Variants in SYT1 observed in about 807,000 individuals in gnomAD.
The protein encoded by SYT1 is synaptotagmin 1.
SYT1 carries 8 observed loss-of-function variants against 44.8 expected under a neutral mutation model. That is an observed-to-expected ratio of 0.18 (90% CI 0.10 to 0.32). The LOEUF (loss-of-function observed/expected upper bound fraction) is 0.32, where lower values mean the gene tolerates loss of function less well. Ranked by LOEUF, SYT1 falls within the 10% of genes least tolerant of loss-of-function variation. The pLI is 1.00. For missense variants in SYT1, 286 were observed against 509.3 expected (o/e 0.56, Z 4.22); for synonymous variants, 154 against 188.8 (o/e 0.82, Z 1.51).
intron 1 of SYT1, among the ~76,000 whole-genome samples, chr12:78,931,891 G>C (rs1279892749): frequency 6.6e-6 from 1 of 152,176 alleles, no homozygotes; most frequent in East Asian, 1.9e-4. Flanking sequence ...AGCAGAGTCT[G>C]TTCTCTGCAC....
chr12:79,205,721 A>G (rs771971240), intron 3 of SYT1, among the ~76,000 whole-genome samples: 1 of 152,180 alleles, frequency 6.6e-6, no homozygotes, highest in Non-Finnish European at 1.5e-5. Context: ...TCTCAATAAT[A>G]TAGGTCCAAA....
chr12:79,347,953 C>A (rs909563079), intron 8 of SYT1, among the ~76,000 whole-genome samples: 1 of 151,944 alleles, frequency 6.6e-6, no homozygotes, highest in African/African-American at 2.4e-5. Context: ...ACTAATGAAA[C>A]AATTCATACC....
intron 2 of SYT1, among the ~76,000 whole-genome samples, chr12:79,029,358 TAA>T (rs199597216): frequency 0.056 from 7,469 of 133,086 alleles, 223 homozygotes; most frequent in Admixed American, 0.096. Context: ...TACAAATCAG[TAA>T]AAAAAAAAAA....
chr12:79,292,201 A>G, intron 6 of SYT1, 71 bp downstream of exon 6: 1 of 1,533,720 alleles, frequency 6.5e-7, no homozygotes, highest in Non-Finnish European at 8.8e-7. Flanking sequence ...TTGCAGCAAG[A>G]TACCTCTTAA....
intron 9 of SYT1, among the ~76,000 whole-genome samples, chr12:79,387,191 T>C (rs1433764824): frequency 6.6e-6 from 1 of 152,218 alleles, no homozygotes; most frequent in Non-Finnish European, 1.5e-5. Context: ...AAATACTATA[T>C]CTAACTGATA....
At chr12:79,333,641 A>G (rs1565912889) in intron 8 of SYT1, among the ~76,000 whole-genome samples, 1 of 152,176 alleles carries the variant, frequency 6.6e-6, no homozygotes, top group Non-Finnish European at 1.5e-5. Context: ...ATAATGAGGC[A>G]AAGTCAGGAA....
chr12:79,268,912 C>T (rs1009231360), intron 4 of SYT1, among the ~76,000 whole-genome samples: 2 of 151,670 alleles, frequency 1.3e-5, no homozygotes, highest in African/African-American at 4.8e-5. Context: ...AGTCTGAAAA[C>T]CAAAGGAAAG....
intron 4 of SYT1, among the ~76,000 whole-genome samples, chr12:79,249,329 C>T (rs1218859543): frequency 2.6e-5 from 4 of 151,690 alleles, no homozygotes; most frequent in African/African-American, 7.3e-5. Flanking sequence ...TGGTCTCGAT[C>T]TCCTGACCTC....
intron 1 of SYT1, among the ~76,000 whole-genome samples, chr12:78,867,258 C>T (rs1450935124): frequency 6.6e-6 from 1 of 152,048 alleles, no homozygotes. Context: ...TTTGTTTTCT[C>T]ATTTCTCCAC....
At chr12:79,129,493 AAAG>A (rs576945718) in intron 3 of SYT1, among the ~76,000 whole-genome samples, 219 of 152,338 alleles carry the variant, frequency 1.4e-3, no homozygotes, top group Middle Eastern at 6.8e-3. Context: ...GTCACTGTTG[AAAG>A]AAGATCAATT....
intron 2 of SYT1, among the ~76,000 whole-genome samples, chr12:79,018,611 G>A (rs1871972339): frequency 6.6e-6 from 1 of 152,022 alleles, no homozygotes; most frequent in African/African-American, 2.4e-5. Context: ...TTGGTTGGAT[G>A]GGCCAAACCT....
At chr12:79,018,138 T>C (rs929037083) in intron 2 of SYT1, among the ~76,000 whole-genome samples, 24 of 151,650 alleles carry the variant, frequency 1.6e-4, no homozygotes, top group Non-Finnish European at 8.8e-5. Flanking sequence ...ATGTGGCACA[T>C]ATACACCATG....
rs544353355 is a variant in SYT1 at position 79,035,580 on chromosome 12, C to T, written c.-83-11717C>T. Among the ~76,000 whole-genome samples, 24 of 151,772 alleles carry T rather than the reference C, an allele frequency of 1.6e-4. 1 individual carries two copies. In the South Asian group the frequency reaches 4.6e-3, roughly 29 times the overall value. On this transcript the variant is annotated intron_variant, in intron 2 of 10. Coordinates refer to ENST00000261205, the MANE Select transcript of SYT1 (RefSeq NM_005639.3). ...TTGCATTCTCTTTCCCTCATGCCTT[C>T]CTCCTCTTCTGTAGTCCCCTTTGTT...
intron 3 of SYT1, among the ~76,000 whole-genome samples, chr12:79,071,394 T>G (rs12311883): frequency 0.011 from 1,640 of 152,204 alleles, 28 homozygotes; most frequent in African/African-American, 0.037. Context: ...AACCCAAATA[T>G]AATAAATCTG....
At chr12:79,307,658 G>A (rs1880472995) in intron 8 of SYT1, among the ~76,000 whole-genome samples, 2 of 151,998 alleles carry the variant, frequency 1.3e-5, no homozygotes, top group African/African-American at 4.8e-5. Flanking sequence ...GGCAGGAGGA[G>A]CCCGAACGAA....
intron 2 of SYT1, among the ~76,000 whole-genome samples, chr12:79,041,644 A>G (rs1487073384): frequency 6.6e-6 from 1 of 152,088 alleles, no homozygotes; most frequent in Non-Finnish European, 1.5e-5. Context: ...TGCCCTGGCC[A>G]GAACTTCCAA....
intron 4 of SYT1, among the ~76,000 whole-genome samples, chr12:79,226,092 C>A (rs1479489051): frequency 6.6e-6 from 1 of 152,114 alleles, no homozygotes; most frequent in Non-Finnish European, 1.5e-5. Context: ...TAATGACAAC[C>A]AATTTAACTT....
chr12:79,054,478 A>G (rs1874780655), intron 3 of SYT1, among the ~76,000 whole-genome samples: 2 of 152,022 alleles, frequency 1.3e-5, no homozygotes, highest in African/African-American at 4.8e-5. Flanking sequence ...TAAAGGAGAA[A>G]AACAATATTT....
intron 4 of SYT1, among the ~76,000 whole-genome samples, chr12:79,250,484 G>T (rs1877135558): frequency 1.3e-5 from 2 of 152,148 alleles, no homozygotes; most frequent in Non-Finnish European, 2.9e-5. Context: ...AAATTTGAGG[G>T]TAATTACCGT....
Sources: gnomAD v4.1 joint callset for allele counts (sites outside exome capture counted in the v4.1 genomes callset) on GRCh38, gnomAD v4.1.1 for gene constraint, MANE v1.5 for transcripts, NCBI Gene and HGNC (gene_info 2026-07-23, HGNC 2026-07-21) for gene names.